Variants in PLCB1 observed in about 807,000 individuals in gnomAD.
The protein encoded by PLCB1 is phospholipase C beta 1.
A neutral mutation model predicts 161.8 loss-of-function variants in PLCB1; 46 were observed. The ratio of observed to expected loss-of-function variants is 0.28; its 90% CI spans 0.22 to 0.36. PLCB1 has a LOEUF of 0.36. Among genes scored for constraint, PLCB1 ranks in the 10% least tolerant of loss-of-function variants. The pLI is 1.00. For missense variants in PLCB1, 1,016 were observed against 1,472.5 expected (o/e 0.69, Z 5.07); for synonymous variants, 517 against 503.7 (o/e 1.03, Z -0.35).
chr20:8,569,011 G>A (rs1474049849), intron 3 of PLCB1, among the ~76,000 whole-genome samples: 1 of 152,188 alleles, frequency 6.6e-6, no homozygotes, highest in Non-Finnish European at 1.5e-5. Context: ...CACATGAGGG[G>A]CAAGGGAGCA....
At chr20:8,389,504 C>A (rs1987527961) in intron 3 of PLCB1, among the ~76,000 whole-genome samples, 1 of 152,154 alleles carries the variant, frequency 6.6e-6, no homozygotes, top group African/African-American at 2.4e-5. Context: ...AGAATTAGTA[C>A]CATGAGTTAA....
chr20:8,548,768 TTCC>T (rs1412809140), intron 3 of PLCB1, among the ~76,000 whole-genome samples: 2 of 38,280 alleles, frequency 5.2e-5, no homozygotes, highest in Non-Finnish European at 1.3e-4. Context: ...TAATTTTATG[TTCC>T]ATGTTCTCAA....
intron 2 of PLCB1, among the ~76,000 whole-genome samples, chr20:8,221,630 TC>T (rs1477289473): frequency 3.9e-5 from 6 of 152,148 alleles, no homozygotes; most frequent in African/African-American, 1.4e-4. Flanking sequence ...ATCACTGTCC[TC>T]TCTGAGCTCA....
At chr20:8,205,938 T>A (rs1026165121) in intron 2 of PLCB1, among the ~76,000 whole-genome samples, 2 of 152,066 alleles carry the variant, frequency 1.3e-5, no homozygotes, top group Non-Finnish European at 2.9e-5. Flanking sequence ...ATGGAAAAAA[T>A]TAAATTAATA....
chr20:8,851,605 T>C (rs1470660936), intron 31 of PLCB1, among the ~76,000 whole-genome samples: 1 of 152,200 alleles, frequency 6.6e-6, no homozygotes, highest in East Asian at 1.9e-4. Context: ...CTAGATGGCC[T>C]GGAAGTACCA....
At chr20:8,548,208 TCC>T in intron 3 of PLCB1, among the ~76,000 whole-genome samples, 1 of 73,424 alleles carries the variant, frequency 1.4e-5, no homozygotes, top group South Asian at 3.7e-4. Flanking sequence ...CCATTTTCTT[TCC>T]TTCCTTCCTT....
Position 8,281,359 on chromosome 20 carries a change from C to G in PLCB1, c.178-90023C>G, listed in dbSNP as rs772735476. On this transcript the variant is annotated intron_variant, in intron 2 of 31. Coordinates refer to ENST00000338037, the MANE Select transcript of PLCB1 (RefSeq NM_015192.4). ...TTTAATACATTTTTTTCTGTTTTCT[C>G]TTGTGCTACTGTTTTATTTTTTTAA... Among the ~76,000 whole-genome samples, 144 of 151,940 alleles carry G rather than the reference C, an allele frequency of 9.5e-4. 2 individuals are homozygous for G. The highest frequency in any genetic ancestry group is 2.5e-4 in the Non-Finnish European group (17 of 67,968).
At chr20:8,429,356 C>T (rs1416134838) in intron 3 of PLCB1, among the ~76,000 whole-genome samples, 4 of 152,128 alleles carry the variant, frequency 2.6e-5, no homozygotes, top group African/African-American at 4.8e-5. Context: ...TGAACAAGAG[C>T]TCATAGATTT....
chr20:8,434,110 G>A (rs955144491), intron 3 of PLCB1, among the ~76,000 whole-genome samples: 4 of 152,172 alleles, frequency 2.6e-5, no homozygotes, highest in Non-Finnish European at 4.4e-5. Flanking sequence ...CAATAGGTGT[G>A]ATTGTGTGTA....
intron 3 of PLCB1, among the ~76,000 whole-genome samples, chr20:8,394,167 G>C (rs1487376737): frequency 1.3e-5 from 2 of 152,052 alleles, no homozygotes; most frequent in Non-Finnish European, 1.5e-5. Flanking sequence ...CAAGCCTAAT[G>C]CCTAGTGTAC....
intron 3 of PLCB1, among the ~76,000 whole-genome samples, chr20:8,492,472 G>T (rs962867352): frequency 6.6e-6 from 1 of 151,790 alleles, no homozygotes; most frequent in African/African-American, 2.4e-5. Context: ...CTTTTTCTCT[G>T]TGTGTGTGTG....
chr20:8,677,481 T>C (rs1421107561), intron 9 of PLCB1, among the ~76,000 whole-genome samples: 1 of 152,134 alleles, frequency 6.6e-6, no homozygotes, highest in African/African-American at 2.4e-5. Context: ...TAATTCATGT[T>C]TTTTTCCAAA....
At chr20:8,590,694 C>G (rs1302707526) in intron 3 of PLCB1, among the ~76,000 whole-genome samples, 2 of 152,118 alleles carry the variant, frequency 1.3e-5, no homozygotes, top group Non-Finnish European at 2.9e-5. Context: ...TCAAAGGCAG[C>G]AAGATTAGGC....
At chr20:8,331,037 C>T (rs1287649147) in intron 2 of PLCB1, among the ~76,000 whole-genome samples, 1 of 152,192 alleles carries the variant, frequency 6.6e-6, no homozygotes, top group Admixed American at 6.5e-5. Context: ...GAAAATTCAT[C>T]CACACACATG....
chr20:8,138,820 G>C, intron 1 of PLCB1, among the ~76,000 whole-genome samples: 1 of 152,082 alleles, frequency 6.6e-6, no homozygotes, highest in East Asian at 1.9e-4. Context: ...CTCTTTAAGA[G>C]CTAATGTTCG....
At chr20:8,793,741 G>A (rs1036405195) in intron 31 of PLCB1, among the ~76,000 whole-genome samples, 1 of 152,140 alleles carries the variant, frequency 6.6e-6, no homozygotes, top group Non-Finnish European at 1.5e-5. Flanking sequence ...GAAGTTTTGG[G>A]CACCATTGTC....
At chr20:8,788,411 A>G (rs2146220047) in intron 27 of PLCB1, 38 bp from the exon 28 acceptor site, 2 of 1,591,744 alleles carry the variant, frequency 1.3e-6, no homozygotes, top group Middle Eastern at 1.7e-4. Context: ...TCTGTTTGCA[A>G]TCATTTGAAA....
chr20:8,428,176 A>G (rs570671015), intron 3 of PLCB1, among the ~76,000 whole-genome samples: 1 of 152,280 alleles, frequency 6.6e-6, no homozygotes, highest in African/African-American at 2.4e-5. Context: ...CTAATAAAAA[A>G]AGAAAAGAAA....
rs12480999 is a variant in PLCB1 at position 8,330,460 on chromosome 20, C to T, written c.178-40922C>T. ...TTGATAAAATGTGCTCCTTAGCAGG[C>T]GCTCAAATGTTACACCAGCTCACTG... On this transcript the variant is annotated intron_variant, in intron 2 of 31. Transcript: ENST00000338037. Among the ~76,000 whole-genome samples, 462 of 152,292 alleles carry T rather than the reference C, an allele frequency of 3.0e-3. 17 individuals carry two copies. Among genetic ancestry groups the T allele is most frequent in the Admixed American group, 0.025 (382 of 15,298 alleles).
Sources: allele counts gnomAD v4.1 joint callset (sites outside exome capture counted in the v4.1 genomes callset), GRCh38; gene constraint gnomAD v4.1.1; transcripts MANE v1.5; gene names NCBI Gene and HGNC (gene_info 2026-07-23, HGNC 2026-07-21).